Variants in VLDLR observed in about 807,000 individuals in gnomAD.
VLDLR encodes very low density lipoprotein receptor, also known as very low-density lipoprotein receptor.
VLDLR carries 81 observed loss-of-function variants against 112.7 expected under a neutral mutation model. The observed-to-expected ratio is 0.72, with a 90% CI of 0.60 to 0.86. VLDLR has a LOEUF of 0.86. Ranked by LOEUF, VLDLR falls within the 40% of genes least tolerant of loss-of-function variation. VLDLR has a pLI of 0.00. For synonymous variants in VLDLR, 436 were observed against 384.8 expected (o/e 1.13, Z -1.56); for missense variants, 1,237 against 1,099.4 (o/e 1.13, Z -1.77).
intron 11 of VLDLR, 144 bp from the exon 12 acceptor site, chr9:2,647,330 C>A: frequency 1.4e-6 from 1 of 694,922 alleles, no homozygotes; most frequent in Non-Finnish European, 2.6e-6. Flanking sequence ...TTACCTAGAA[C>A]ATAATTTAGA....
At position 2,643,198 on chromosome 9, in the gene VLDLR, A is replaced by G. The variant is rs1361275207; in HGVS notation, c.487A>G (p.Ser163Gly). 2.5e-6 allele frequency: 4 copies of G among 1,613,766 alleles called. No individual in the cohort carries two copies. The highest frequency in any genetic ancestry group is 3.4e-6 in the Non-Finnish European group (4 of 1,180,032). Residue 163 changes from serine to glycine, a missense_variant, in exon 5 of 19, where the codon AGT becomes GGT. By Grantham distance (56) the Ser-to-Gly change is moderately conservative. Coordinates refer to ENST00000382100, the MANE Select transcript of VLDLR (RefSeq NM_003383.5). ...TAGTCCCGACGAGTTCACCTGCTCC[A>G]GTGGCCGCTGCATCTCCAGGAACTT... is the stretch of plus-strand genomic sequence containing the variant. Reference protein sequence around the residue: ...TCSPDEFTCSSGRCISRNFVC... With the variant: ...TCSPDEFTCSGGRCISRNFVC...
chr9:2,625,295 A>G (rs1817040355), intron 1 of VLDLR, among the ~76,000 whole-genome samples: 1 of 152,230 alleles, frequency 6.6e-6, no homozygotes, highest in South Asian at 2.1e-4. Flanking sequence ...GATCAAGGGA[A>G]CACATAGTAC....
At chr9:2,626,197 A>T (rs1461630296) in intron 1 of VLDLR, among the ~76,000 whole-genome samples, 1 of 152,246 alleles carries the variant, frequency 6.6e-6, no homozygotes, top group Non-Finnish European at 1.5e-5. Context: ...TCACACATAC[A>T]TAATAAGGTA....
chr9:2,648,891 T>G, intron 14 of VLDLR, 81 bp downstream of exon 14: 1 of 1,579,688 alleles, frequency 6.3e-7, no homozygotes, highest in Non-Finnish European at 8.7e-7. Context: ...TCAGTAGCTC[T>G]TGGCAACTCA....
chr9:2,628,718 T>G (rs1166878461), intron 1 of VLDLR, among the ~76,000 whole-genome samples: 3 of 152,050 alleles, frequency 2.0e-5, no homozygotes, highest in African/African-American at 4.8e-5. Context: ...ATTTCTGGAG[T>G]ACTGATTTAG....
At chr9:2,638,459 G>T (rs1190253076) in intron 2 of VLDLR, among the ~76,000 whole-genome samples, 1 of 152,174 alleles carries the variant, frequency 6.6e-6, no homozygotes, top group East Asian at 1.9e-4. Flanking sequence ...TACCTTCACA[G>T]AATATATGTT....
intron 2 of VLDLR, 61 bp from the exon 3 acceptor site, chr9:2,639,798 T>G (rs547297879): frequency 2.7e-4 from 432 of 1,612,592 alleles, no homozygotes; most frequent in Admixed American, 2.0e-4. Context: ...TGAGCCCTCA[T>G]GTGAAGCTAG....
At chr9:2,637,004 T>C (rs1308047864) in intron 2 of VLDLR, among the ~76,000 whole-genome samples, 2 of 152,212 alleles carry the variant, frequency 1.3e-5, no homozygotes, top group Non-Finnish European at 2.9e-5. Context: ...GTATAAGTAC[T>C]CTCTACTAGC....
At chr9:2,629,033 G>A (rs907106035) in intron 1 of VLDLR, among the ~76,000 whole-genome samples, 1 of 152,190 alleles carries the variant, frequency 6.6e-6, no homozygotes, top group African/African-American at 2.4e-5. Flanking sequence ...TTCTCAAAGT[G>A]TGGACCGAAA....
chr9:2,630,402 C>T (rs945137741), intron 1 of VLDLR, among the ~76,000 whole-genome samples: 3 of 151,896 alleles, frequency 2.0e-5, no homozygotes, highest in Non-Finnish European at 4.4e-5. Flanking sequence ...CAAGTAACAC[C>T]CATATGCTCA....
chr9:2,633,051 A>AGAGAGAGTGT (rs1460780869), intron 1 of VLDLR, among the ~76,000 whole-genome samples: 1 of 115,402 alleles, frequency 8.7e-6, no homozygotes, highest in African/African-American at 3.3e-5. Flanking sequence ...AGAGAGAGAG[A>AGAGAGAGTGT]GTGTGTGTGT....
rs554436113 is a variant in VLDLR at position 2,657,785 on chromosome 9, T to G, written c.*3917T>G. On this transcript the variant is annotated 3_prime_UTR_variant, in exon 19 of 19. Coordinates refer to ENST00000382100, the MANE Select transcript of VLDLR (RefSeq NM_003383.5). ...GAGGGCACATCAAGCGATTTCACTC[T>G]CTTAAAGAAAAGGTTTTTAGGTATT... The G allele has an allele frequency of 6.6e-6, 1 of 152,190 alleles. No homozygotes were observed. Among genetic ancestry groups the G allele is most frequent in the African/African-American group, 2.4e-5 (1 of 41,440 alleles). The allele number at this position is 152,190 out of a possible 1,614,324, so 9.4% of individuals were successfully genotyped here. A position where few individuals can be genotyped will look rare whatever the true frequency, so the allele number is the denominator to read the frequency against.
chr9:2,622,086 C>T lies in VLDLR; in HGVS notation c.-104C>T, dbSNP rs1247396632. On this transcript the variant is annotated 5_prime_UTR_variant, in exon 1 of 19. Coordinates refer to ENST00000382100, the MANE Select transcript of VLDLR (RefSeq NM_003383.5). ...CTTCCCCTCCTTCTCCCCCTTTCCC[C>T]TCCCCGCCCCCACCTTCTTCCTCCT... The T allele has an allele frequency of 1.3e-5, 15 of 1,195,916 alleles. No individual in the cohort carries two copies. Among genetic ancestry groups the T allele is most frequent in the East Asian group, 8.9e-5 (3 of 33,530 alleles). The allele number at this position is 1,195,916 out of a possible 1,614,324, so 74.1% of individuals were successfully genotyped here. A position where few individuals can be genotyped will look rare whatever the true frequency, so the allele number is the denominator to read the frequency against.
rs1214566254 is a variant in VLDLR at position 2,656,328 on chromosome 9, T to G, written c.*2460T>G. 1 of 152,126 alleles carries G rather than the reference T, an allele frequency of 6.6e-6. No individual in the cohort carries two copies. Among genetic ancestry groups the G allele is most frequent in the African/African-American group, 2.4e-5 (1 of 41,426 alleles). The allele number at this position is 152,126 out of a possible 1,614,324, so 9.4% of individuals were successfully genotyped here. ...ATATTGGTGGGCCAGGCATGGTGGC[T>G]CACGCCTATAATCCCAGCACTTTGG... On this transcript the variant is annotated 3_prime_UTR_variant, in exon 19 of 19. Coordinates refer to ENST00000382100, the MANE Select transcript of VLDLR (RefSeq NM_003383.5).
chr9:2,644,748 T>A lies in VLDLR; in HGVS notation c.1081T>A (p.Leu361Met). 1 of 1,614,122 alleles carries A rather than the reference T, an allele frequency of 6.2e-7. No homozygotes were observed. Among genetic ancestry groups the A allele is most frequent in the South Asian group, 1.1e-5 (1 of 91,076 alleles). ...TTTTATTCCAGATATAAACGAATGC[T>A]TGGTAAATAATGGTGGATGTTCTCA... is the stretch of plus-strand genomic sequence containing the variant. ...PLKECHINEC[L>M]VNNGGCSHIC... is the part of the protein sequence containing the mutation. Residue 361 changes from leucine to methionine, a missense_variant, in exon 8 of 19, where the codon TTG (leucine) becomes ATG (methionine). Coordinates refer to ENST00000382100, the MANE Select transcript of VLDLR (RefSeq NM_003383.5).
chr9:2,637,393 T>A (rs923518482), intron 2 of VLDLR, among the ~76,000 whole-genome samples: 28 of 152,220 alleles, frequency 1.8e-4, no homozygotes, highest in Non-Finnish European at 4.1e-4. Flanking sequence ...TCTTTTATAA[T>A]GTTAGGCTGA....
At chr9:2,652,743 GACTTAGCTC>G (rs1374640903) in intron 17 of VLDLR, 28 bp from the exon 18 acceptor site, 1 of 1,613,488 alleles carries the variant, frequency 6.2e-7, no homozygotes. Flanking sequence ...TCCAATACTA[GACTTAGCTC>G]ACTTAGCTAC....
intron 9 of VLDLR, among the ~76,000 whole-genome samples, chr9:2,645,341 A>G (rs1818021514): frequency 6.6e-6 from 1 of 152,226 alleles, no homozygotes; most frequent in African/African-American, 2.4e-5. Context: ...TCCAACTCAA[A>G]CAAGTGACTT....
At position 2,652,766 on chromosome 9, in the gene VLDLR, C is replaced by G. The variant is rs1563768619; in HGVS notation, c.2417-14C>G. On this transcript the variant is annotated splice_polypyrimidine_tract_variant and intron_variant, in intron 17 of 18. Transcript: ENST00000382100. ...TAGACTTAGCTCACTTAGCTACCCT[C>G]TGATTTTTTTCAGTGCTCTTAGTGA... 1.2e-6 allele frequency: 2 copies of G among 1,614,112 alleles called. No individual in the cohort carries two copies. Among genetic ancestry groups the G allele is most frequent in the African/African-American group, 1.3e-5 (1 of 75,046 alleles).
Sources: gnomAD v4.1 joint callset for allele counts (sites outside exome capture counted in the v4.1 genomes callset) on GRCh38, gnomAD v4.1.1 for gene constraint, MANE v1.5 for transcripts, NCBI Gene and HGNC (gene_info 2026-07-23, HGNC 2026-07-21) for gene names.